MYO9A: variants seen among roughly 807,000 people sequenced by gnomAD.
MYO9A encodes myosin IXA.
MYO9A carries 103 observed loss-of-function variants against 293.3 expected under a neutral mutation model. The ratio of observed to expected loss-of-function variants is 0.35; its 90% CI spans 0.30 to 0.41. The LOEUF (loss-of-function observed/expected upper bound fraction) is 0.41. Ranked by LOEUF, MYO9A falls within the 10% of genes least tolerant of loss-of-function variation. MYO9A has a pLI of 1.00. For missense variants in MYO9A, 2,685 were observed against 3,033.0 expected, an observed-to-expected ratio of 0.89 and a Z score of 2.69; for synonymous variants, 1,001 against 1,035.7, an observed-to-expected ratio of 0.97 and a Z score of 0.64.
intron 39 of MYO9A, among the ~76,000 whole-genome samples, chr15:71,838,991 TTAA>T (rs1470732008): frequency 6.6e-6 from 1 of 152,224 alleles, no homozygotes; most frequent in African/African-American, 2.4e-5. Context: ...GACCCCTGAC[TTAA>T]TAAGAGATCT....
intron 19 of MYO9A, 96 bp from the exon 20 acceptor site, chr15:71,905,102 A>C: frequency 4.8e-6 from 5 of 1,036,738 alleles, no homozygotes; most frequent in Non-Finnish European, 6.9e-6. Flanking sequence ...AAACATTCAA[A>C]AAGTAGAGGT....
intron 1 of MYO9A, among the ~76,000 whole-genome samples, chr15:72,098,276 A>G (rs975653326): frequency 4.0e-5 from 6 of 151,806 alleles, no homozygotes; most frequent in Middle Eastern, 3.4e-3. Context: ...GACAACAGTT[A>G]AAGTTTCATG....
intron 12 of MYO9A, among the ~76,000 whole-genome samples, chr15:71,970,451 T>C (rs1267659783): frequency 6.6e-6 from 1 of 152,208 alleles, no homozygotes; most frequent in Admixed American, 6.5e-5. Flanking sequence ...ATATATTCCC[T>C]ATAAAAAATA....
At chr15:71,834,861 A>G (rs1409775476) in intron 39 of MYO9A, among the ~76,000 whole-genome samples, 1 of 152,120 alleles carries the variant, frequency 6.6e-6, no homozygotes, top group African/African-American at 2.4e-5. Flanking sequence ...CCTAACTACA[A>G]CGGAATCAAG....
intron 11 of MYO9A, among the ~76,000 whole-genome samples, chr15:71,989,595 A>C (rs1334745798): frequency 6.6e-6 from 1 of 152,210 alleles, no homozygotes; most frequent in African/African-American, 2.4e-5. Flanking sequence ...ACACACAGTG[A>C]CCAAGCCCAT....
Position 71,968,111 on chromosome 15 carries a change from G to A in MYO9A, c.1859C>T (p.Thr620Ile), listed in dbSNP as rs1271666875. ...LDEESNFPQA[T>I]NQTLLDKFKH... The stretch of plus-strand genomic sequence containing the variant: ...AAACTTGTCTAGCAATGTTTGATTT[G>A]TAGCCTGTGGAAAGCTGAATTAAAA... Residue 620 changes from threonine to isoleucine, a missense_variant, in exon 13 of 42, where the codon ACA becomes ATA. Coordinates refer to ENST00000356056, the MANE Select transcript of MYO9A (RefSeq NM_006901.4). 30 of 1,575,324 alleles carry A rather than the reference G, an allele frequency of 1.9e-5. No homozygotes were observed. Among genetic ancestry groups the A allele is most frequent in the Non-Finnish European group, 2.5e-5 (29 of 1,163,858 alleles).
Position 71,826,526 on chromosome 15 carries a change from AAG to A in MYO9A, c.*52_*53del. 6.7e-7 allele frequency: 1 copy of A among 1,497,022 alleles called. No individual in the cohort carries two copies. Among genetic ancestry groups the A allele is most frequent in the Non-Finnish European group, 9.0e-7 (1 of 1,115,796 alleles). The allele number at this position is 1,497,022 out of a possible 1,614,324, so 92.7% of individuals were successfully genotyped here. A position where few individuals can be genotyped will look rare whatever the true frequency, so the allele number is the denominator to read the frequency against. On this transcript the variant is annotated 3_prime_UTR_variant, in exon 42 of 42. Transcript: ENST00000356056. ...GACGAGGTGATGAAACGCAGCCCCAAAGGTGAGATTTGTTTACCACTCTGTAG... is the reference window on the plus strand; with the variant it reads ...GACGAGGTGATGAAACGCAGCCCCAAGTGAGATTTGTTTACCACTCTGTAG...
chr15:71,996,234 C>G (rs2076695520), intron 9 of MYO9A, among the ~76,000 whole-genome samples: 1 of 152,022 alleles, frequency 6.6e-6, no homozygotes, highest in African/African-American at 2.4e-5. Context: ...AAATATAAGA[C>G]ATAGAATAAG....
In MYO9A at chr15:71,908,012, A is replaced by C. The variant is rs924689652; in HGVS notation, c.2686-3006T>G. Among the ~76,000 whole-genome samples, 10 of 152,214 alleles carry C rather than the reference A, an allele frequency of 6.6e-5. No individual in the cohort carries two copies. The East Asian group carries it at 1.3e-3, about 21-fold the overall frequency. On this transcript the variant is annotated intron_variant, in intron 19 of 41. Coordinates refer to ENST00000356056, the MANE Select transcript of MYO9A (RefSeq NM_006901.4). ...GCTTTTGGTGTTTTAGACATGAAGT[A>C]CTTGCCCATGCCTATGTCCTGAATG...
intron 19 of MYO9A, among the ~76,000 whole-genome samples, chr15:71,909,924 A>C (rs2057781237): frequency 6.6e-6 from 1 of 152,004 alleles, no homozygotes; most frequent in Non-Finnish European, 1.5e-5. Context: ...GCTTAAGCCC[A>C]GAAGCTGGAG....
intron 39 of MYO9A, among the ~76,000 whole-genome samples, chr15:71,842,966 CTT>C (rs1249904928): frequency 6.6e-6 from 1 of 151,734 alleles, no homozygotes; most frequent in Admixed American, 6.6e-5. Flanking sequence ...ATGTTAGACT[CTT>C]TTAGTTAAAA....
At chr15:72,024,918 C>CA (rs1010086944) in intron 4 of MYO9A, among the ~76,000 whole-genome samples, 11 of 150,176 alleles carry the variant, frequency 7.3e-5, no homozygotes, top group African/African-American at 2.2e-4. Flanking sequence ...AACAGAAGAA[C>CA]AAAAAAAAAT....
At position 72,033,874 on chromosome 15, in the gene MYO9A, A is replaced by G. The variant is rs2077955193; in HGVS notation, c.841-1286T>C. Among the ~76,000 whole-genome samples, 3 of 152,326 alleles carry G rather than the reference A, an allele frequency of 2.0e-5. No homozygotes were observed. In the South Asian group the frequency reaches 6.2e-4, roughly 32 times the overall value. The stretch of plus-strand genomic sequence containing the variant: ...AGCCTGAGCAATCACATTATACTTG[A>G]AGAAACAAAACTAGAAAAGACACAG... On this transcript the variant is annotated intron_variant, in intron 2 of 41. Coordinates refer to ENST00000356056, the MANE Select transcript of MYO9A (RefSeq NM_006901.4).
intron 2 of MYO9A, among the ~76,000 whole-genome samples, chr15:72,037,411 C>T (rs536941220): frequency 1.7e-4 from 26 of 152,072 alleles, no homozygotes; most frequent in African/African-American, 5.5e-4. Flanking sequence ...CAGGATATGT[C>T]GATGCTCACA....
Position 71,822,657 on chromosome 15 carries a change from G to A in MYO9A, c.*3923C>T, listed in dbSNP as rs956106732. Reference sequence around the variant, plus strand: ...AAAATCCATTAAAATAATATAATACGAATCTGTAGTCCACACCTTTCCCAT... The same window carrying A: ...AAAATCCATTAAAATAATATAATACAAATCTGTAGTCCACACCTTTCCCAT... On this transcript the variant is annotated 3_prime_UTR_variant, in exon 42 of 42. Transcript: ENST00000356056. 6 of 151,946 alleles carry A rather than the reference G, an allele frequency of 3.9e-5. No individual in the cohort carries two copies. Among genetic ancestry groups the A allele is most frequent in the South Asian group, 4.2e-4 (2 of 4,804 alleles). The allele number at this position is 151,946 out of a possible 1,614,324, so 9.4% of individuals were successfully genotyped here. A position where few individuals can be genotyped will look rare whatever the true frequency, so the allele number is the denominator to read the frequency against.
intron 13 of MYO9A, among the ~76,000 whole-genome samples, chr15:71,961,130 G>C (rs1264868053): frequency 6.6e-6 from 1 of 152,134 alleles, no homozygotes; most frequent in Non-Finnish European, 1.5e-5. Flanking sequence ...ATGGAAAAAA[G>C]GAGGCACAAT....
At chr15:71,908,739 T>A (rs1262049491) in intron 19 of MYO9A, among the ~76,000 whole-genome samples, 1 of 152,216 alleles carries the variant, frequency 6.6e-6, no homozygotes, top group Non-Finnish European at 1.5e-5. Context: ...GTGTGTTATA[T>A]GTGATGAACC....
intron 1 of MYO9A, among the ~76,000 whole-genome samples, chr15:72,065,511 G>A (rs181526819): frequency 0.014 from 1,870 of 133,148 alleles, 21 homozygotes; most frequent in Middle Eastern, 0.022. Context: ...GCAAAACTCC[G>A]TCTCAAAAAA....
At chr15:71,836,508 A>G (rs1014092957) in intron 39 of MYO9A, among the ~76,000 whole-genome samples, 1 of 152,034 alleles carries the variant, frequency 6.6e-6, no homozygotes, top group African/African-American at 2.4e-5. Flanking sequence ...CCACTCCTGT[A>G]TATTTCTCCA....
Sources: allele counts gnomAD v4.1 joint callset (sites outside exome capture counted in the v4.1 genomes callset), GRCh38; gene constraint gnomAD v4.1.1; transcripts MANE v1.5; gene names NCBI Gene and HGNC (gene_info 2026-07-23, HGNC 2026-07-21).